RGL1: variants seen among roughly 807,000 people sequenced by gnomAD.
RGL1 encodes ral guanine nucleotide dissociation stimulator-like 1.
In RGL1, 24 loss-of-function variants were observed where a neutral mutation model predicts 95.2. The ratio of observed to expected loss-of-function variants is 0.25; its 90% CI spans 0.18 to 0.35. The LOEUF is 0.35. RGL1 is among the 10% of genes least tolerant of loss of function. RGL1 has a pLI of 1.00. For missense variants in RGL1, 715 were observed against 936.3 expected, an observed-to-expected ratio of 0.76 and a Z score of 3.08; for synonymous variants, 329 against 344.9, an observed-to-expected ratio of 0.95 and a Z score of 0.51.
chr1:183,823,517 A>G (rs1662638227), intron 2 of RGL1, among the ~76,000 whole-genome samples: 1 of 152,200 alleles, frequency 6.6e-6, no homozygotes, highest in African/African-American at 2.4e-5. Flanking sequence ...GCTAAACATA[A>G]AGCTCTGTGA....
chr1:183,893,067 T>C (rs547059118), intron 9 of RGL1, among the ~76,000 whole-genome samples: 1 of 152,322 alleles, frequency 6.6e-6, no homozygotes, highest in Non-Finnish European at 1.5e-5. Context: ...CTGACCTTTT[T>C]GGAGTAAGGT....
chr1:183,725,433 G>A (rs1239301870), intron 1 of RGL1, among the ~76,000 whole-genome samples: 1 of 152,166 alleles, frequency 6.6e-6, no homozygotes, highest in Non-Finnish European at 1.5e-5. Flanking sequence ...GAATTGCTGA[G>A]CCAAGGCTGA....
At chr1:183,838,748 CA>C (rs1201374317) in intron 2 of RGL1, among the ~76,000 whole-genome samples, 1 of 152,206 alleles carries the variant, frequency 6.6e-6, no homozygotes, top group Non-Finnish European at 1.5e-5. Flanking sequence ...GACACTGACA[CA>C]ATCTGAGAGG....
At chr1:183,874,946 C>G (rs528725394) in intron 4 of RGL1, among the ~76,000 whole-genome samples, 4 of 152,172 alleles carry the variant, frequency 2.6e-5, no homozygotes, top group Non-Finnish European at 5.9e-5. Flanking sequence ...ACTTAGGCTT[C>G]AGTTCTTGAA....
At chr1:183,792,326 G>A (rs1251812972) in intron 2 of RGL1, among the ~76,000 whole-genome samples, 3 of 151,920 alleles carry the variant, frequency 2.0e-5, no homozygotes, top group African/African-American at 7.3e-5. Context: ...ATAATTATTT[G>A]GTGTGTACAT....
chr1:183,778,513 A>G (rs546166869), intron 2 of RGL1, among the ~76,000 whole-genome samples: 8 of 152,318 alleles, frequency 5.3e-5, no homozygotes, highest in African/African-American at 1.9e-4. Flanking sequence ...TTATGGTTTC[A>G]GGGATTTGGG....
chr1:183,694,053 C>G (rs1272764024), intron 1 of RGL1, among the ~76,000 whole-genome samples: 3 of 152,246 alleles, frequency 2.0e-5, no homozygotes, highest in Non-Finnish European at 4.4e-5. Context: ...AATATTGTCT[C>G]TTTAACTTCT....
chr1:183,716,507 A>G (rs1250105620), intron 1 of RGL1, among the ~76,000 whole-genome samples: 1 of 152,208 alleles, frequency 6.6e-6, no homozygotes, highest in African/African-American at 2.4e-5. Flanking sequence ...AGGAGAAAAG[A>G]GCATGGAGAA....
chr1:183,830,031 T>C (rs535084712), intron 2 of RGL1, among the ~76,000 whole-genome samples: 1 of 152,282 alleles, frequency 6.6e-6, no homozygotes, highest in East Asian at 1.9e-4. Context: ...CATTTCTGTA[T>C]CCACAGTGTC....
chr1:183,746,012 C>T (rs1657599981), intron 2 of RGL1, among the ~76,000 whole-genome samples: 1 of 133,740 alleles, frequency 7.5e-6, no homozygotes, highest in East Asian at 3.0e-4. Flanking sequence ...TAAAGAAGTT[C>T]CTTCAATTCA....
chr1:183,715,674 T>C (rs562245361), intron 1 of RGL1, among the ~76,000 whole-genome samples: 4 of 151,572 alleles, frequency 2.6e-5, no homozygotes, highest in Non-Finnish European at 5.9e-5. Context: ...TTCAGATACA[T>C]ATTAGTCTCG....
rs568800134 is a variant in RGL1, at chr1:183,659,005, T to G, written c.-33+22504T>G. Among the ~76,000 whole-genome samples, 113 of 152,062 alleles carry G rather than the reference T, an allele frequency of 7.4e-4. 1 individual carries two copies. The highest frequency in any genetic ancestry group is 3.4e-3 in the Middle Eastern group (1 of 294). ...ACCTGCAGCTGAGGGTCCTGTCTGTTAGAAGGAAAACTAACAAACAGAAAG... is the reference window on the plus strand; with the variant it reads ...ACCTGCAGCTGAGGGTCCTGTCTGTGAGAAGGAAAACTAACAAACAGAAAG... On this transcript the variant is annotated intron_variant, in intron 1 of 18. Coordinates refer to the RGL1 transcript ENST00000304685.
In RGL1 at chr1:183,904,921, A is replaced by G. The variant is rs1432329132; in HGVS notation, c.1422A>G (p.Gln474=). The G allele has an allele frequency of 6.2e-7, 1 of 1,613,976 alleles. No homozygotes were observed. ...ACAGCTATTGCATGACCCCAGACCA[A>G]AAGTTCATCCAGTGGTTCCAGAGGC... ...ACNSYCMTPD[Q]KFIQWFQRQQ... Residue 474 remains glutamine, a synonymous_variant, in exon 13 of 18, where the codon CAA becomes CAG. Transcript: ENST00000360851.
At chr1:183,668,847 C>A (rs953963929) in intron 1 of RGL1, among the ~76,000 whole-genome samples, 2 of 151,826 alleles carry the variant, frequency 1.3e-5, no homozygotes, top group African/African-American at 2.4e-5. Context: ...ATGTTTACAC[C>A]CTTTGTAGTT....
intron 1 of RGL1, among the ~76,000 whole-genome samples, chr1:183,651,982 T>C (rs549296954): frequency 5.0e-4 from 76 of 152,332 alleles, no homozygotes; most frequent in Middle Eastern, 3.4e-3. Flanking sequence ...TGTGGTCGAC[T>C]TATGGGTGGT....
intron 8 of RGL1, among the ~76,000 whole-genome samples, 159 bp downstream of exon 8, chr1:183,888,736 A>T (rs533798100): frequency 1.3e-5 from 2 of 152,158 alleles, no homozygotes; most frequent in South Asian, 4.1e-4. Flanking sequence ...ATCATTAATG[A>T]CTTTTGAGGC....
rs60184863 is a variant in RGL1, at chr1:183,826,005, AAATCAATCAATC to A, written c.138+19537_138+19548del. ...TACTGAGACCCTGTTTCTATTTTTA[AAATCAATCAATC>A]AATCAATCAATCAATCGCAACTCTC... is the stretch of plus-strand genomic sequence containing the variant. On this transcript the variant is annotated intron_variant, in intron 2 of 17. Coordinates refer to ENST00000360851, the MANE Select transcript of RGL1 (RefSeq NM_001297671.3). Among the ~76,000 whole-genome samples, 26 of 146,450 alleles carry A rather than the reference AAATCAATCAATC, an allele frequency of 1.8e-4. No individual in the cohort carries two copies. In the East Asian group the frequency reaches 2.8e-3, roughly 16 times the overall value.
intron 17 of RGL1, 125 bp from the exon 18 acceptor site, chr1:183,925,980 G>A (rs535046929): frequency 1.8e-5 from 13 of 715,472 alleles, no homozygotes; most frequent in Admixed American, 6.5e-5. Context: ...TCTGGTTCAG[G>A]TCACATTCCA....
At chr1:183,835,545 TC>T (rs1254725580) in intron 2 of RGL1, among the ~76,000 whole-genome samples, 1 of 152,164 alleles carries the variant, frequency 6.6e-6, no homozygotes, top group African/African-American at 2.4e-5. Context: ...TTTCTTAGAC[TC>T]TTAGACTAAA....
Sources: allele counts gnomAD v4.1 joint callset (sites outside exome capture counted in the v4.1 genomes callset), GRCh38; gene constraint gnomAD v4.1.1; transcripts MANE v1.5; gene names NCBI Gene and HGNC (gene_info 2026-07-23, HGNC 2026-07-21).